The following PRR14 variants were observed in gnomAD, a reference collection of about 807,000 sequenced individuals.
The protein encoded by PRR14 is proline-rich protein 14.
PRR14 carries 33 observed loss-of-function variants against 57.2 expected under a neutral mutation model. The ratio of observed to expected loss-of-function variants is 0.58; its 90% CI spans 0.44 to 0.77. The LOEUF (loss-of-function observed/expected upper bound fraction) is 0.77, where lower values mean the gene tolerates loss of function less well. Ranked by LOEUF, PRR14 falls within the 30% of genes least tolerant of loss-of-function variation. The pLI is 0.00. For synonymous variants in PRR14, 303 were observed against 314.7 expected (o/e 0.96, Z 0.39); for missense variants, 716 against 788.1 (o/e 0.91, Z 1.10).
chr16:30,654,167 A>C, intron 6 of PRR14, 63 bp from the exon 7 acceptor site: 1 of 1,052,118 alleles, frequency 9.5e-7, no homozygotes, highest in Non-Finnish European at 1.5e-6. Context: ...GGGATAGGGG[A>C]GTTGCTGGCT....
chr16:30,654,128 CAAAAAAAAAA>C (rs370614424), intron 6 of PRR14, 92 bp from the exon 7 acceptor site: 1 of 561,406 alleles, frequency 1.8e-6, no homozygotes, highest in Non-Finnish European at 3.0e-6. Flanking sequence ...GGCTCTGTCT[CAAAAAAAAAA>C]AAAAAGAAGA....
At chr16:30,652,210 T>A in intron 3 of PRR14, 1 of 645,846 alleles carries the variant, frequency 1.5e-6, no homozygotes, top group Admixed American at 2.4e-5. Context: ...TCTGAGAAAC[T>A]CTTCTGCTTC....
At chr16:30,653,183 G>A (rs1263041393) in intron 5 of PRR14, 80 bp downstream of exon 5, 12 of 1,470,842 alleles carry the variant, frequency 8.2e-6, no homozygotes, top group African/African-American at 2.8e-5. Flanking sequence ...CTGAGTCTTA[G>A]GTGGGTTTTT....
At position 30,656,272 on chromosome 16, in the gene PRR14, G is replaced by C. The variant is rs375979675; in HGVS notation, c.1719G>C (p.Glu573Asp). Residue 573 changes from glutamate (E) to aspartate (D), a missense_variant, in exon 12 of 12, where the codon GAG becomes GAC. Physicochemically the swap from Glu to Asp is conservative, Grantham distance 45. Transcript: ENST00000300835. ...RLEELDALLLEEETVDREQPH... is the reference protein window; with the variant it reads ...RLEELDALLLDEETVDREQPH... The stretch of plus-strand genomic sequence containing the variant: ...AGGAGCTAGATGCCTTGCTCCTGGA[G>C]GAAGAAACAGTAGATCGGGAGCAGC... The C allele has an allele frequency of 8.5e-5, 137 of 1,612,902 alleles. No individual in the cohort carries two copies. The highest frequency in any genetic ancestry group is 1.1e-4 in the Non-Finnish European group (127 of 1,179,982).
intron 5 of PRR14, 129 bp downstream of exon 5, chr16:30,653,232 T>G (rs1567538618): frequency 7.3e-7 from 1 of 1,368,896 alleles, no homozygotes; most frequent in Non-Finnish European, 1.0e-6. Flanking sequence ...CGGCAGACAC[T>G]GCCTGAGCAA....
At position 30,655,254 on chromosome 16, in the gene PRR14, C is replaced by A; in HGVS notation, c.1244+40C>A. 6.3e-7 allele frequency: 1 copy of A among 1,595,820 alleles called. No individual in the cohort carries two copies. Among genetic ancestry groups the A allele is most frequent in the Non-Finnish European group, 8.6e-7 (1 of 1,167,684 alleles). The stretch of plus-strand genomic sequence containing the variant: ...AAACCCCCTTGAAGCCTGGCTGCAG[C>A]CTGGTCCCAGCCTCCTTCCCTGAGT... On this transcript the variant is annotated intron_variant, in intron 8 of 11. Transcript: ENST00000300835. The surrounding 1 kb of genome is among the most constrained non-coding windows in gnomAD (Gnocchi z 4.6).
In PRR14 at chr16:30,656,353, C is replaced by A; in HGVS notation, c.*42C>A. On this transcript the variant is annotated 3_prime_UTR_variant, in exon 12 of 12. Transcript: ENST00000300835. ...TCATCCATCCTGAAGGGACAGGAAA[C>A]CTCCCAGGCAGTTATTTTTTTTTCT... The A allele has an allele frequency of 3.2e-6, 5 of 1,541,438 alleles. No individual in the cohort carries two copies. Among genetic ancestry groups the A allele is most frequent in the Admixed American group, 2.2e-5 (1 of 45,312 alleles).
intron 3 of PRR14, 131 bp from the exon 4 acceptor site, chr16:30,652,590 T>C (rs2052324203): frequency 8.7e-7 from 1 of 1,154,352 alleles, no homozygotes. Flanking sequence ...ATCTCTTCTC[T>C]TGGGATCCGA....
In PRR14 at chr16:30,651,536, G is replaced by A; in HGVS notation, c.-50-60G>A. 2.7e-6 allele frequency: 2 copies of A among 732,650 alleles called. No homozygotes were observed. The highest frequency in any genetic ancestry group is 4.2e-6 in the Non-Finnish European group (2 of 478,626). The allele number at this position is 732,650 out of a possible 1,614,324, so 45.4% of individuals were successfully genotyped here. Reference sequence around the variant, plus strand: ...GAGCCGCGGGCGGACCATGAAGGGCGGAGCCCCAGGGAAGGGGCCGGCCCT... The same window carrying A: ...GAGCCGCGGGCGGACCATGAAGGGCAGAGCCCCAGGGAAGGGGCCGGCCCT... On this transcript the variant is annotated intron_variant, in intron 1 of 11. Coordinates refer to ENST00000300835, the MANE Select transcript of PRR14 (RefSeq NM_024031.5). This position sits in a 1 kb window ranked among gnomAD's most constrained non-coding sequence, Gnocchi z 5.0.
chr16:30,655,451 G>C lies in PRR14; in HGVS notation c.1314+31G>C. ...CATTCAGATCGGGTAGAAGAGACTA[G>C]TGGGGGCCTGAGCCCATGTCACTCT... On this transcript the variant is annotated intron_variant, in intron 9 of 11. Transcript: ENST00000300835. The surrounding 1 kb of genome is among the most constrained non-coding windows in gnomAD (Gnocchi z 4.6). The C allele has an allele frequency of 6.2e-7, 1 of 1,613,824 alleles. No homozygotes were observed. Among genetic ancestry groups the C allele is most frequent in the Non-Finnish European group, 8.5e-7 (1 of 1,179,710 alleles).
intron 3 of PRR14, chr16:30,652,232 CT>C (rs749845482): frequency 0.19 from 92,643 of 488,472 alleles, no homozygotes; most frequent in South Asian, 0.26. Context: ...TTTTTTCTAT[CT>C]TTTTTTTTTT....
In PRR14 at chr16:30,655,479, C is replaced by A; in HGVS notation, c.1315-23C>A. ...GGGGCCTGAGCCCATGTCACTCTTT[C>A]ACCCTCTGCCCCATTTTTGCAGACC... On this transcript the variant is annotated intron_variant, in intron 9 of 11. Transcript: ENST00000300835. The surrounding 1 kb of genome is among the most constrained non-coding windows in gnomAD (Gnocchi z 4.6). 6.2e-7 allele frequency: 1 copy of A among 1,613,836 alleles called. No homozygotes were observed. Among genetic ancestry groups the A allele is most frequent in the Non-Finnish European group, 8.5e-7 (1 of 1,179,694 alleles).
rs2052331087 is a variant in PRR14, at chr16:30,653,133, G to C, written c.504+30G>C. On this transcript the variant is annotated intron_variant, in intron 5 of 11. Transcript: ENST00000300835. ...GGGAACTGAGGGTACGGATGTCAAGGGTTCTGCTGGGTTCCAGCAGGGATA... is the reference window on the plus strand; with the variant it reads ...GGGAACTGAGGGTACGGATGTCAAGCGTTCTGCTGGGTTCCAGCAGGGATA... The C allele has an allele frequency of 1.9e-6, 3 of 1,558,188 alleles. No individual in the cohort carries two copies. The East Asian group carries it at 6.8e-5, about 35-fold the overall frequency.
chr16:30,653,324 G>A (rs1481482884), intron 5 of PRR14, 41 bp from the exon 6 acceptor site: 3 of 1,606,342 alleles, frequency 1.9e-6, no homozygotes, highest in Non-Finnish European at 1.7e-6. Context: ...CACTAAGGGG[G>A]CTTTCCTGCC....
chr16:30,655,634 G>A lies in PRR14; in HGVS notation c.1406+41G>A, dbSNP rs1475795045. 6.4e-7 allele frequency: 1 copy of A among 1,567,702 alleles called. No individual in the cohort carries two copies. Among genetic ancestry groups the A allele is most frequent in the Non-Finnish European group, 8.8e-7 (1 of 1,138,594 alleles). On this transcript the variant is annotated intron_variant, in intron 10 of 11. Transcript: ENST00000300835. The surrounding 1 kb of genome is among the most constrained non-coding windows in gnomAD (Gnocchi z 4.6). ...GGCATTGAGCCATCTTGGCCAAACA[G>A]ATGCAGGCTTATGTCCCCTGAAGTA...
rs373153746 is a variant in PRR14, at chr16:30,655,909, A to G, written c.1448A>G (p.Asn483Ser). The change falls in exon 11 of 12, where the codon AAC becomes AGC. Residue 483 changes from asparagine (N) to serine (S), a missense_variant. Transcript: ENST00000300835. The surrounding 1 kb of genome is among the most constrained non-coding windows in gnomAD (Gnocchi z 4.6). The stretch of plus-strand genomic sequence containing the variant: ...TTCAGCTTGGAAGAAATTTACACCA[A>G]CAAGAATTACCAATCACCCACAACC... ...KEFSLEEIYT[N>S]KNYQSPTTRR... 2.5e-6 allele frequency: 4 copies of G among 1,614,134 alleles called. No homozygotes were observed. Among genetic ancestry groups the G allele is most frequent in the Non-Finnish European group, 3.4e-6 (4 of 1,180,014 alleles).
intron 7 of PRR14, 139 bp from the exon 8 acceptor site, chr16:30,654,490 C>A: frequency 1.0e-6 from 1 of 964,236 alleles, no homozygotes; most frequent in Non-Finnish European, 1.6e-6. Flanking sequence ...ATGTCAGAGG[C>A]TTGAAGTTCA....
intron 6 of PRR14, 142 bp from the exon 7 acceptor site, chr16:30,654,088 C>T (rs2052339991): frequency 3.0e-6 from 2 of 669,358 alleles, no homozygotes; most frequent in South Asian, 1.8e-5. Context: ...GAGATTGTGC[C>T]CCTGCACTCC....
In PRR14 at chr16:30,654,989, CT is replaced by C. The variant is rs1316625963; in HGVS notation, c.1020del (p.Gly341AlafsTer117). 2.5e-6 allele frequency: 4 copies of C among 1,610,698 alleles called. No individual in the cohort carries two copies. Among genetic ancestry groups the C allele is most frequent in the Non-Finnish European group, 3.4e-6 (4 of 1,179,972 alleles). On this transcript the variant is annotated frameshift_variant, in exon 8 of 12. Transcript: ENST00000300835. LOFTEE classifies it high-confidence loss of function. The stretch of plus-strand genomic sequence containing the variant: ...TACTCCTGCCCTGATCTGGGGCCCC[CT>C]GGCCCAGGTACCTGCACCTGGCCAC... The part of the protein sequence containing the change: ...RSYSCPDLGP[P>X]GPGTCTWPPA...
Sources: gnomAD v4.1 joint callset for allele counts on GRCh38, gnomAD v4.1.1 for gene constraint, Gnocchi (gnomAD v3.1) non-coding constraint, MANE v1.5 for transcripts, NCBI Gene and HGNC (gene_info 2026-07-23, HGNC 2026-07-21) for gene names.